Variants in TMEM116 observed in about 807,000 individuals in gnomAD.
The protein encoded by TMEM116 is transmembrane protein 116.
TMEM116 carries 38 observed loss-of-function variants against 44.3 expected under a neutral mutation model. That is an observed-to-expected ratio of 0.86 (90% CI 0.66 to 1.12). The LOEUF (loss-of-function observed/expected upper bound fraction) is 1.12. TMEM116 is among the 50% of genes most tolerant of loss of function. TMEM116 has a pLI of 0.00. For synonymous variants in TMEM116, 132 were observed against 144.8 expected, an observed-to-expected ratio of 0.91 and a Z score of 0.64; for missense variants, 354 against 401.7, an observed-to-expected ratio of 0.88 and a Z score of 1.01.
At chr12:111,973,870 G>C (rs1376416775) in intron 4 of TMEM116, among the ~76,000 whole-genome samples, 1 of 151,998 alleles carries the variant, frequency 6.6e-6, no homozygotes, top group African/African-American at 2.4e-5. Flanking sequence ...GTTGCAGATC[G>C]TGGCCTGCAC....
At chr12:111,931,940 A>T in intron 10 of TMEM116, 113 bp from the exon 11 acceptor site, 1 of 743,806 alleles carries the variant, frequency 1.3e-6, no homozygotes, top group Non-Finnish European at 2.1e-6. Context: ...TATCTCAAAC[A>T]TGAAGATCTG....
chr12:111,983,014 A>G (rs1477165582), intron 4 of TMEM116, among the ~76,000 whole-genome samples: 5 of 152,188 alleles, frequency 3.3e-5, no homozygotes, highest in Admixed American at 6.5e-5. Context: ...GGCTGGGCAC[A>G]GTGACTCATG....
chr12:111,940,218 A>G (rs978316033), intron 5 of TMEM116, among the ~76,000 whole-genome samples: 1 of 151,822 alleles, frequency 6.6e-6, no homozygotes, highest in Non-Finnish European at 1.5e-5. Context: ...GGTTGCAGTG[A>G]GTCAAGATTG....
intron 4 of TMEM116, among the ~76,000 whole-genome samples, chr12:111,966,178 C>T (rs1156613244): frequency 1.3e-5 from 2 of 151,644 alleles, no homozygotes; most frequent in Non-Finnish European, 2.9e-5. Context: ...TGATGGTGTG[C>T]ACCTGCAATC....
At chr12:112,005,987 G>A (rs567899376) in intron 1 of TMEM116, 2 of 985,864 alleles carry the variant, frequency 2.0e-6, no homozygotes, top group Non-Finnish European at 2.4e-6. Context: ...GCGTCTAGTG[G>A]AAAGGTCATA....
intron 4 of TMEM116, among the ~76,000 whole-genome samples, chr12:111,958,499 G>T (rs1036721344): frequency 6.6e-6 from 1 of 152,074 alleles, no homozygotes; most frequent in Admixed American, 6.5e-5. Flanking sequence ...GAATGAGTTT[G>T]ATGAATTGAC....
intron 10 of TMEM116, among the ~76,000 whole-genome samples, chr12:111,932,101 G>A (rs539265461): frequency 6.6e-6 from 1 of 151,940 alleles, no homozygotes; most frequent in African/African-American, 2.4e-5. Context: ...CATTTTCCAG[G>A]GTACCCTTGA....
chr12:111,972,041 C>T (rs939182917), intron 4 of TMEM116, among the ~76,000 whole-genome samples: 3 of 145,126 alleles, frequency 2.1e-5, no homozygotes, highest in African/African-American at 7.7e-5. Flanking sequence ...TGCCACTACA[C>T]TCCAGCCTAG....
intron 2 of TMEM116, among the ~76,000 whole-genome samples, chr12:112,004,791 G>GT (rs1565974165): frequency 6.6e-6 from 1 of 151,734 alleles, no homozygotes; most frequent in East Asian, 1.9e-4. Context: ...TTTTTATGGG[G>GT]TTTTTTTGTT....
At chr12:111,951,077 A>C (rs934323235) in intron 4 of TMEM116, among the ~76,000 whole-genome samples, 2 of 152,266 alleles carry the variant, frequency 1.3e-5, no homozygotes, top group African/African-American at 4.8e-5. Context: ...ATATGAAAAA[A>C]AGCTCAACAT....
At chr12:111,964,360 T>G (rs1019971917) in intron 4 of TMEM116, among the ~76,000 whole-genome samples, 1 of 151,156 alleles carries the variant, frequency 6.6e-6, no homozygotes, top group African/African-American at 2.4e-5. Flanking sequence ...GAGAATCACT[T>G]GAACCCGGGA....
chr12:111,970,759 T>C (rs1249985702), intron 4 of TMEM116, among the ~76,000 whole-genome samples: 1 of 152,024 alleles, frequency 6.6e-6, no homozygotes, highest in Non-Finnish European at 1.5e-5. Context: ...GCTAATTTTT[T>C]TGTATTTTTT....
At chr12:112,004,934 G>C (rs2077497116) in intron 2 of TMEM116, among the ~76,000 whole-genome samples, 1 of 152,176 alleles carries the variant, frequency 6.6e-6, no homozygotes, top group Non-Finnish European at 1.5e-5. Context: ...ACAGGTATGA[G>C]CTCAGCCCTG....
chr12:111,977,296 G>C (rs1455744531), intron 4 of TMEM116, among the ~76,000 whole-genome samples: 1 of 152,080 alleles, frequency 6.6e-6, no homozygotes, highest in Non-Finnish European at 1.5e-5. Context: ...ACATAAACAA[G>C]AAGAAAGTAC....
At chr12:111,941,074 G>A (rs903250255) in intron 5 of TMEM116, among the ~76,000 whole-genome samples, 2 of 151,970 alleles carry the variant, frequency 1.3e-5, no homozygotes, top group African/African-American at 2.4e-5. Flanking sequence ...GAAACTAAGC[G>A]AGTTTAAAAT....
intron 1 of TMEM116, chr12:112,005,703 C>T (rs1176879316): frequency 1.0e-6 from 1 of 984,700 alleles, no homozygotes; most frequent in African/African-American, 1.8e-5. Context: ...AAAGGAAGAA[C>T]AAAATGTAGA....
At chr12:111,973,659 G>C (rs1041090744) in intron 4 of TMEM116, among the ~76,000 whole-genome samples, 2 of 152,076 alleles carry the variant, frequency 1.3e-5, no homozygotes, top group African/African-American at 4.8e-5. Context: ...GAAGATCAAA[G>C]CGGAAATCAA....
rs150213385 is a variant in TMEM116 at position 111,995,933 on chromosome 12, G to C, written c.79-4044C>G. Among the ~76,000 whole-genome samples, 701 of 151,488 alleles carry C rather than the reference G, an allele frequency of 4.6e-3. 6 individuals carry two copies. Among genetic ancestry groups the C allele is most frequent in the African/African-American group, 0.016 (641 of 41,254 alleles). ...CACACACTTGTGGTCTCAGCTACTT[G>C]GGAGTCTGAGGCAGGAGGATCACTT... On this transcript the variant is annotated intron_variant, in intron 3 of 10. Transcript: ENST00000552374.
chr12:111,998,078 A>G (rs1282187153), intron 3 of TMEM116, among the ~76,000 whole-genome samples: 2 of 152,264 alleles, frequency 1.3e-5, no homozygotes, highest in Non-Finnish European at 2.9e-5. Flanking sequence ...GCATACACAC[A>G]GACTGCGTGG....
Sources: gnomAD v4.1 joint callset for allele counts (sites outside exome capture counted in the v4.1 genomes callset) on GRCh38, gnomAD v4.1.1 for gene constraint, MANE v1.5 for transcripts, NCBI Gene and HGNC (gene_info 2026-07-23, HGNC 2026-07-21) for gene names.